Variants in ZNF484 observed in about 807,000 individuals in gnomAD.
ZNF484 encodes the protein KRAB box containing C2H2 type zinc finger bA526D8.4.
A neutral mutation model predicts 12.9 loss-of-function variants in ZNF484; 11 were observed. The observed-to-expected ratio is 0.85, with a 90% CI of 0.54 to 1.41. ZNF484 has a LOEUF of 1.41. Among genes scored for constraint, ZNF484 ranks in the 40% most tolerant of loss-of-function variants. ZNF484 has a pLI of 0.00. For synonymous variants in ZNF484, 289 were observed against 334.1 expected, an observed-to-expected ratio of 0.86 and a Z score of 1.47; for missense variants, 807 against 1,007.7, an observed-to-expected ratio of 0.80 and a Z score of 2.70.
At position 92,847,162 on chromosome 9, in the gene ZNF484, T is replaced by C; in HGVS notation, c.1625A>G (p.His542Arg). ...SFTWKSRLRI[H>R]QKCHTGERHY... is the part of the protein sequence containing the mutation. ...TCTCTCTCCAGTATGACACTTCTGA[T>C]GTATCCTGAGCCGAGACTTCCAGGT... Residue 542 changes from histidine (H) to arginine (R), a missense_variant, in exon 5 of 5, where the codon CAT (histidine) becomes CGT (arginine). Coordinates refer to ENST00000375495, the MANE Select transcript of ZNF484 (RefSeq NM_031486.4). 6.2e-7 allele frequency: 1 copy of C among 1,614,184 alleles called. No homozygotes were observed. Among genetic ancestry groups the C allele is most frequent in the Non-Finnish European group, 8.5e-7 (1 of 1,180,032 alleles).
intron 4 of ZNF484, 133 bp downstream of exon 4, chr9:92,855,678 T>G (rs550557495): frequency 1.4e-6 from 1 of 720,432 alleles, no homozygotes; most frequent in Non-Finnish European, 2.3e-6. Flanking sequence ...CCTTGTCTAA[T>G]AACTGCTCTT....
At chr9:92,872,488 C>A in intron 2 of ZNF484, among the ~76,000 whole-genome samples, 1 of 37,332 alleles carries the variant, frequency 2.7e-5, no homozygotes, top group East Asian at 8.6e-4. Flanking sequence ...AAATCTCTGC[C>A]TCAAAAAAAA....
At chr9:92,867,104 C>T (rs555779785) in intron 2 of ZNF484, among the ~76,000 whole-genome samples, 78 of 152,270 alleles carry the variant, frequency 5.1e-4, no homozygotes, top group Non-Finnish European at 9.9e-4. Flanking sequence ...AATCCCAGCA[C>T]TTTGGGAGGC....
Position 92,846,996 on chromosome 9 carries a change from T to G in ZNF484, c.1791A>C (p.Thr597=), listed in dbSNP as rs1855665553. ...KAFFHKSHFI[T]HERIHTGEKP... ...TCTCTCCAGTATGAATTCTCTCATG[T>G]GTAATAAAATGGGATTTGTGGAAGA... Residue 597 remains threonine, a synonymous_variant, in exon 5 of 5, where the codon ACA becomes ACC. Coordinates refer to ENST00000375495, the MANE Select transcript of ZNF484 (RefSeq NM_031486.4). 1 of 1,613,962 alleles carries G rather than the reference T, an allele frequency of 6.2e-7. No homozygotes were observed. The highest frequency in any genetic ancestry group is 8.5e-7 in the Non-Finnish European group (1 of 1,180,006).
Position 92,877,826 on chromosome 9 carries a change from G to A in ZNF484, c.-31+64C>T, listed in dbSNP as rs1172966150. The A allele has an allele frequency of 2.6e-6, 4 of 1,535,656 alleles. No homozygotes were observed. The African/African-American group carries it at 5.5e-5, about 21-fold the overall frequency. ...GACCGACCCCATCACTGACCGGAAGGCTCAGGACAGACATCAGAGATTCTT... is the reference window on the plus strand; with the variant it reads ...GACCGACCCCATCACTGACCGGAAGACTCAGGACAGACATCAGAGATTCTT... On this transcript the variant is annotated intron_variant, in intron 1 of 4. Transcript: ENST00000375495.
At chr9:92,871,799 T>C (rs1291836882) in intron 2 of ZNF484, among the ~76,000 whole-genome samples, 1 of 152,228 alleles carries the variant, frequency 6.6e-6, no homozygotes, top group Non-Finnish European at 1.5e-5. Flanking sequence ...ATTGTGAATA[T>C]GTTAGGTTGC....
intron 2 of ZNF484, among the ~76,000 whole-genome samples, chr9:92,866,691 C>T (rs1289041405): frequency 6.6e-6 from 1 of 151,300 alleles, no homozygotes; most frequent in African/African-American, 2.4e-5. Context: ...CACATGCACA[C>T]GTATGTTTAC....
chr9:92,848,031 C>A lies in ZNF484; in HGVS notation c.756G>T (p.Leu252Phe). The A allele has an allele frequency of 6.2e-7, 1 of 1,614,168 alleles. No homozygotes were observed. The highest frequency in any genetic ancestry group is 1.1e-5 in the South Asian group (1 of 91,084). The change falls in exon 5 of 5, where the codon TTG (leucine) becomes TTT (phenylalanine). Residue 252 changes from leucine to phenylalanine, a missense_variant. Transcript: ENST00000375495. The surrounding 1 kb of genome is among the most constrained non-coding windows in gnomAD (Gnocchi z 4.1). The part of the protein sequence containing the change: ...QKIHTRESLY[L>F]FSDYVNVFSP... ...AGAAAACATTTACGTAGTCAGAAAA[C>A]AAATAGAGGCTCTCTCTAGTATGAA... is the stretch of plus-strand genomic sequence containing the variant.
At chr9:92,875,785 C>T (rs992133824) in intron 1 of ZNF484, among the ~76,000 whole-genome samples, 1 of 152,134 alleles carries the variant, frequency 6.6e-6, no homozygotes, top group Non-Finnish European at 1.5e-5. Flanking sequence ...CAAACAGGAA[C>T]TCAATCAATG....
chr9:92,851,334 T>C (rs1856062542), intron 4 of ZNF484, among the ~76,000 whole-genome samples: 1 of 152,224 alleles, frequency 6.6e-6, no homozygotes, highest in African/African-American at 2.4e-5. Flanking sequence ...CATTTTTAAA[T>C]GGTCAAAAAA....
At chr9:92,875,546 C>T (rs16908618) in intron 1 of ZNF484, among the ~76,000 whole-genome samples, 4,127 of 152,262 alleles carry the variant, frequency 0.027, 194 homozygotes, top group African/African-American at 0.094. Context: ...TCCTACAATA[C>T]CTGATCACAG....
chr9:92,876,716 G>A (rs912721697), intron 1 of ZNF484, among the ~76,000 whole-genome samples: 2 of 152,158 alleles, frequency 1.3e-5, no homozygotes, highest in East Asian at 1.9e-4. Flanking sequence ...ACCATTAAGT[G>A]TATGTATGCC....
chr9:92,876,707 C>T lies in ZNF484; in HGVS notation c.-31+1183G>A, dbSNP rs982926834. ...TGAAAAAGGATAAAAAATGCACTAA[C>T]CATTAAGTGTATGTATGCCCATCCC... On this transcript the variant is annotated intron_variant, in intron 1 of 4. Coordinates refer to ENST00000375495, the MANE Select transcript of ZNF484 (RefSeq NM_031486.4). Among the ~76,000 whole-genome samples, 8 of 152,060 alleles carry T rather than the reference C, an allele frequency of 5.3e-5. No homozygotes were observed. In the East Asian group the frequency reaches 9.6e-4, roughly 18 times the overall value.
chr9:92,875,800 A>C (rs948098417), intron 1 of ZNF484, among the ~76,000 whole-genome samples: 2 of 152,204 alleles, frequency 1.3e-5, no homozygotes, highest in Non-Finnish European at 1.5e-5. Flanking sequence ...TCAATGAACA[A>C]ATCAGGGGAA....
chr9:92,854,219 A>G (rs1363459899), intron 4 of ZNF484, among the ~76,000 whole-genome samples: 1 of 152,196 alleles, frequency 6.6e-6, no homozygotes, highest in Non-Finnish European at 1.5e-5. Context: ...ATAATTAGAA[A>G]TTAAAACCCA....
Position 92,848,237 on chromosome 9 carries a change from T to C in ZNF484, c.550A>G (p.Asn184Asp). 1 of 1,614,194 alleles carries C rather than the reference T, an allele frequency of 6.2e-7. No homozygotes were observed. Among genetic ancestry groups the C allele is most frequent in the East Asian group, 2.2e-5 (1 of 44,876 alleles). ...TATAAGGTTATGATAGGCTCCAAATTCTTTCCACACGAGTTACAGTTATGG... is the reference window on the plus strand; with the variant it reads ...TATAAGGTTATGATAGGCTCCAAATCCTTTCCACACGAGTTACAGTTATGG... ...RPHNCNSCGK[N>D]LEPIITLYNR... The change falls in exon 5 of 5, where the codon AAT becomes GAT. Residue 184 changes from asparagine (N) to aspartate (D), a missense_variant. Coordinates refer to ENST00000375495, the MANE Select transcript of ZNF484 (RefSeq NM_031486.4). The surrounding 1 kb of genome is among the most constrained non-coding windows in gnomAD (Gnocchi z 4.1).
At chr9:92,851,278 T>C (rs1856057801) in intron 4 of ZNF484, among the ~76,000 whole-genome samples, 1 of 152,250 alleles carries the variant, frequency 6.6e-6, no homozygotes, top group Non-Finnish European at 1.5e-5. Flanking sequence ...ACTGAAGCCC[T>C]TGGGCCAAAT....
chr9:92,853,004 C>T (rs989695714), intron 4 of ZNF484, among the ~76,000 whole-genome samples: 1 of 152,134 alleles, frequency 6.6e-6, no homozygotes, highest in Admixed American at 6.5e-5. Flanking sequence ...AGCTTACAAA[C>T]CTACTGAGAG....
intron 2 of ZNF484, among the ~76,000 whole-genome samples, chr9:92,857,680 A>G (rs1173506218): frequency 3.9e-5 from 6 of 152,214 alleles, no homozygotes; most frequent in Non-Finnish European, 1.5e-5. Context: ...CAACATCAAC[A>G]GTGCCTGACT....
Sources: allele counts gnomAD v4.1 joint callset (sites outside exome capture counted in the v4.1 genomes callset), GRCh38; gene constraint gnomAD v4.1.1; non-coding constraint Gnocchi (gnomAD v3.1); transcripts MANE v1.5; gene names NCBI Gene and HGNC (gene_info 2026-07-23, HGNC 2026-07-21).